HPSE2: variants seen among roughly 807,000 people sequenced by gnomAD.
The protein encoded by HPSE2 is heparanase 2 (inactive).
A neutral mutation model predicts 60.5 loss-of-function variants in HPSE2; 38 were observed. The ratio of observed to expected loss-of-function variants is 0.63; its 90% CI spans 0.48 to 0.82. HPSE2 has a LOEUF of 0.82. HPSE2 is among the 40% of genes least tolerant of loss of function. HPSE2 has a pLI of 0.00. For missense variants in HPSE2, 713 were observed against 740.4 expected (o/e 0.96, Z 0.43); for synonymous variants, 295 against 293.2 (o/e 1.01, Z -0.06).
At chr10:99,056,598 G>A (rs757871031) in intron 3 of HPSE2, among the ~76,000 whole-genome samples, 14 of 151,952 alleles carry the variant, frequency 9.2e-5, no homozygotes, top group African/African-American at 1.4e-4. Context: ...TAAACATAAG[G>A]GAAAAGTGAA....
intron 2 of HPSE2, among the ~76,000 whole-genome samples, chr10:99,147,058 T>C (rs1589729368): frequency 6.6e-6 from 1 of 152,178 alleles, no homozygotes; most frequent in Non-Finnish European, 1.5e-5. Flanking sequence ...GTTTTTAAAA[T>C]TGTAACCTGT....
At chr10:98,693,656 A>G (rs1404799499) in intron 6 of HPSE2, among the ~76,000 whole-genome samples, 1 of 152,238 alleles carries the variant, frequency 6.6e-6, no homozygotes, top group Non-Finnish European at 1.5e-5. Context: ...AAAAGGGTAC[A>G]TAATAGCTGA....
In HPSE2 at chr10:98,986,143, TA is replaced by T. The variant is rs1956341996; in HGVS notation, c.610+158094del. On this transcript the variant is annotated intron_variant, in intron 3 of 11. Coordinates refer to ENST00000370552, the MANE Select transcript of HPSE2 (RefSeq NM_021828.5). ...AATTTAGCTCTTCACCAAGTGGACC[TA>T]ATAGACATCTACAGAACTCTGCACC... Among the ~76,000 whole-genome samples the T allele has an allele frequency of 2.0e-5, 3 of 152,266 alleles. No homozygotes were observed. In the South Asian group the frequency reaches 6.2e-4, roughly 32 times the overall value.
chr10:98,941,137 G>A (rs1247492928), intron 3 of HPSE2, among the ~76,000 whole-genome samples: 1 of 142,050 alleles, frequency 7.0e-6, no homozygotes, highest in Non-Finnish European at 1.5e-5. Context: ...TCCTGAATGG[G>A]CAAAAACTGG....
At chr10:98,694,563 C>A (rs1349951402) in intron 5 of HPSE2, among the ~76,000 whole-genome samples, 6 of 152,162 alleles carry the variant, frequency 3.9e-5, no homozygotes, top group African/African-American at 1.4e-4. Context: ...TCATGCTCAG[C>A]TCAAAAGGTA....
In HPSE2 at chr10:98,943,576, A is replaced by C. The variant is rs529860859; in HGVS notation, c.611-199520T>G. Among the ~76,000 whole-genome samples, 8 of 152,108 alleles carry C rather than the reference A, an allele frequency of 5.3e-5. No homozygotes were observed. The East Asian group carries it at 1.4e-3, about 26-fold the overall frequency. On this transcript the variant is annotated intron_variant, in intron 3 of 11. Transcript: ENST00000370552. ...TAACACATGGTGTGTCACTTCCAAG[A>C]CTGTATGATAAAGACAATGGCTTCC...
chr10:99,036,470 A>C (rs1463864460), intron 3 of HPSE2, among the ~76,000 whole-genome samples: 1 of 152,216 alleles, frequency 6.6e-6, no homozygotes, highest in African/African-American at 2.4e-5. Context: ...AACAAAATAA[A>C]TAATATTAGT....
At chr10:99,167,121 C>G (rs527919574) in intron 2 of HPSE2, among the ~76,000 whole-genome samples, 62 of 152,206 alleles carry the variant, frequency 4.1e-4, no homozygotes, top group African/African-American at 1.4e-3. Context: ...AGCAATTCTC[C>G]TGTCTCAGCC....
intron 6 of HPSE2, among the ~76,000 whole-genome samples, chr10:98,655,308 C>T (rs548976): frequency 0.88 from 134,041 of 152,046 alleles, 61,498 homozygotes; most frequent in East Asian, 1. Context: ...TACTAGGAAA[C>T]CTTTTTTGGA....
intron 10 of HPSE2, among the ~76,000 whole-genome samples, chr10:98,484,394 C>T (rs927364354): frequency 2.6e-5 from 4 of 152,192 alleles, no homozygotes; most frequent in East Asian, 3.9e-4. Context: ...TGCGCCACCA[C>T]GCCCAGCTAA....
chr10:98,872,657 T>C (rs981450424), intron 3 of HPSE2, among the ~76,000 whole-genome samples: 25 of 152,248 alleles, frequency 1.6e-4, no homozygotes, highest in African/African-American at 4.3e-4. Flanking sequence ...CAGTGGTACA[T>C]AGACAATATT....
the HPSE2 span, among the ~76,000 whole-genome samples, chr10:99,305,961 A>ATAAGCGCGTG: frequency 1.1e-4 from 11 of 103,068 alleles, no homozygotes; most frequent in African/African-American, 2.2e-4. Context: ...ACTCACACAC[A>ATAAGCGCGTG]CGCGCGCGCG....
chr10:99,249,297 C>T, the HPSE2 span, among the ~76,000 whole-genome samples: 1 of 152,210 alleles, frequency 6.6e-6, no homozygotes, highest in Admixed American at 6.5e-5. Flanking sequence ...TCCTCAAGGC[C>T]TTGGGAGCCC....
intron 5 of HPSE2, among the ~76,000 whole-genome samples, chr10:98,720,877 T>C (rs149750758): frequency 2.6e-5 from 4 of 152,166 alleles, no homozygotes; most frequent in Non-Finnish European, 5.9e-5. Context: ...AAATGATGCA[T>C]ATACAATGAT....
chr10:99,199,536 T>C (rs1031830428), intron 2 of HPSE2, among the ~76,000 whole-genome samples: 2 of 152,142 alleles, frequency 1.3e-5, no homozygotes, highest in African/African-American at 4.8e-5. Flanking sequence ...GAAGGGACTG[T>C]CATTTTCCAA....
intron 9 of HPSE2, among the ~76,000 whole-genome samples, chr10:98,499,646 G>A (rs1366568628): frequency 6.6e-6 from 1 of 152,170 alleles, no homozygotes; most frequent in Non-Finnish European, 1.5e-5. Context: ...GCAACAAGCA[G>A]CAGGATGAAT....
intron 3 of HPSE2, among the ~76,000 whole-genome samples, chr10:99,044,637 G>T (rs1182716278): frequency 6.6e-6 from 1 of 151,962 alleles, no homozygotes; most frequent in Non-Finnish European, 1.5e-5. Context: ...ACACCCACAG[G>T]CTCAAAGTAA....
chr10:98,978,195 G>A (rs528118910), intron 3 of HPSE2, among the ~76,000 whole-genome samples: 19 of 152,120 alleles, frequency 1.2e-4, no homozygotes, highest in African/African-American at 4.3e-4. Flanking sequence ...CAATAAGTAT[G>A]TATTAAATAA....
At chr10:99,235,012 A>G (rs1849791309) in intron 1 of HPSE2, among the ~76,000 whole-genome samples, 1 of 152,096 alleles carries the variant, frequency 6.6e-6, no homozygotes, top group Non-Finnish European at 1.5e-5. Context: ...AGAGTGGGAG[A>G]GAACTGACGA....
Sources: allele counts gnomAD v4.1 joint callset (sites outside exome capture counted in the v4.1 genomes callset), GRCh38; gene constraint gnomAD v4.1.1; transcripts MANE v1.5; gene names NCBI Gene and HGNC (gene_info 2026-07-23, HGNC 2026-07-21).